CCDC6: variants seen among roughly 807,000 people sequenced by gnomAD.
The protein encoded by CCDC6 is coiled-coil domain containing 6.
CCDC6 carries 20 observed loss-of-function variants against 56.6 expected under a neutral mutation model. The observed-to-expected ratio is 0.35, with a 90% CI of 0.25 to 0.51. The LOEUF (loss-of-function observed/expected upper bound fraction) is 0.51. Ranked by LOEUF, CCDC6 falls within the 20% of genes least tolerant of loss-of-function variation. CCDC6 has a pLI of 0.95. For missense variants in CCDC6, 367 were observed against 601.1 expected (o/e 0.61, Z 4.07); for synonymous variants, 241 against 234.4 (o/e 1.03, Z -0.26).
At chr10:59,833,656 T>TGGGG (rs1359417979) in intron 2 of CCDC6, among the ~76,000 whole-genome samples, 6 of 94,180 alleles carry the variant, frequency 6.4e-5, no homozygotes, top group Admixed American at 1.2e-4. Flanking sequence ...GGGGGGGGGT[T>TGGGG]TGTTGATCCA....
rs571374703 is a variant in CCDC6 at position 59,902,168 on chromosome 10, A to G, written c.303+3954T>C. Reference sequence around the variant, plus strand: ...CAGATGATGTTTACCACTATTATACAGATACTGAGAACACAGGCCCATGAA... The same window carrying G: ...CAGATGATGTTTACCACTATTATACGGATACTGAGAACACAGGCCCATGAA... On this transcript the variant is annotated intron_variant, in intron 1 of 8. Transcript: ENST00000263102. Among the ~76,000 whole-genome samples the G allele has an allele frequency of 2.6e-4, 39 of 152,280 alleles. No homozygotes were observed. The South Asian group carries it at 6.8e-3, about 27-fold the overall frequency.
intron 1 of CCDC6, among the ~76,000 whole-genome samples, chr10:59,880,802 CTT>C (rs748236430): frequency 1.3e-5 from 2 of 152,172 alleles, no homozygotes; most frequent in Non-Finnish European, 2.9e-5. Context: ...GAGGATAACT[CTT>C]ATACTCACAG....
At chr10:59,876,967 T>C (rs568209174) in intron 1 of CCDC6, among the ~76,000 whole-genome samples, 35 of 152,222 alleles carry the variant, frequency 2.3e-4, no homozygotes, top group Non-Finnish European at 3.8e-4. Flanking sequence ...CTATGTGGTA[T>C]GGCCTATTGC....
Position 59,794,480 on chromosome 10 carries a change from C to G in CCDC6, c.1223G>C (p.Gly408Ala), listed in dbSNP as rs1176370905. The G allele has an allele frequency of 6.2e-7, 1 of 1,613,904 alleles. No homozygotes were observed. Among genetic ancestry groups the G allele is most frequent in the Non-Finnish European group, 8.5e-7 (1 of 1,179,912 alleles). Residue 408 changes from glycine to alanine, a missense_variant, in exon 8 of 9, where the codon GGT (glycine) becomes GCT (alanine). Coordinates refer to ENST00000263102, the MANE Select transcript of CCDC6 (RefSeq NM_005436.5). The stretch of plus-strand genomic sequence containing the variant: ...TACCCCACGGACACTTACTGTGATA[C>G]CATGGGATGTTCCCATGTGCTGCAC... The part of the protein sequence containing the change: ...LHVQHMGTSH[G>A]ITRPSPRRSN...
At position 59,792,178 on chromosome 10, in the gene CCDC6, G is replaced by T. The variant is rs558340369; in HGVS notation, c.*739C>A. The T allele has an allele frequency of 1.2e-5, 3 of 242,818 alleles. No individual in the cohort carries two copies. The East Asian group carries it at 1.8e-4, about 15-fold the overall frequency. 15.0% of individuals were successfully genotyped at this position (242,818 alleles called of 1,614,324 possible). A position where few individuals can be genotyped will look rare whatever the true frequency, so the allele number is the denominator to read the frequency against. ...AACATTTATCGACTCATGTTAGAGG[G>T]GGCCAGGTTAAGTAGATTAACATTA... is the stretch of plus-strand genomic sequence containing the variant. On this transcript the variant is annotated 3_prime_UTR_variant, in exon 9 of 9. Transcript: ENST00000263102.
intron 7 of CCDC6, among the ~76,000 whole-genome samples, chr10:59,799,512 T>C (rs975248384): frequency 1.3e-5 from 2 of 152,220 alleles, no homozygotes; most frequent in Non-Finnish European, 2.9e-5. Context: ...TCAGTGGTTC[T>C]CAACAGTGAA....
intron 1 of CCDC6, among the ~76,000 whole-genome samples, chr10:59,859,321 C>A (rs377535269): frequency 8.6e-5 from 13 of 151,548 alleles, no homozygotes; most frequent in African/African-American, 2.9e-4. Context: ...ATAGCAGAAA[C>A]AATCTATTTT....
chr10:59,820,690 G>T (rs2070743009), intron 3 of CCDC6, among the ~76,000 whole-genome samples: 1 of 152,042 alleles, frequency 6.6e-6, no homozygotes, highest in Non-Finnish European at 1.5e-5. Flanking sequence ...TGAGGCTGCA[G>T]TGAGCTATGA....
At chr10:59,802,942 C>G (rs1208037500) in intron 7 of CCDC6, among the ~76,000 whole-genome samples, 1 of 152,174 alleles carries the variant, frequency 6.6e-6, no homozygotes, top group African/African-American at 2.4e-5. Context: ...GCATCACCAT[C>G]ACAAAATAAT....
intron 2 of CCDC6, among the ~76,000 whole-genome samples, chr10:59,840,228 G>GAGAAACC (rs1441597433): frequency 1.1e-4 from 17 of 152,306 alleles, no homozygotes; most frequent in African/African-American, 3.8e-4. Context: ...AAACCACTGG[G>GAGAAACC]TCATAGAGAA....
intron 6 of CCDC6, among the ~76,000 whole-genome samples, chr10:59,805,933 T>C (rs1019529903): frequency 4.6e-5 from 7 of 152,182 alleles, no homozygotes; most frequent in African/African-American, 1.4e-4. Context: ...TGTGCTAACA[T>C]TGCCTACATG....
At chr10:59,875,340 T>C (rs2071269521) in intron 1 of CCDC6, among the ~76,000 whole-genome samples, 1 of 152,222 alleles carries the variant, frequency 6.6e-6, no homozygotes, top group Admixed American at 6.5e-5. Context: ...GGTAGAGATC[T>C]GCTCATCTAG....
intron 1 of CCDC6, among the ~76,000 whole-genome samples, chr10:59,862,562 T>C (rs12266461): frequency 0.019 from 1,915 of 101,372 alleles, 105 homozygotes; most frequent in African/African-American, 0.047. Flanking sequence ...CACACATATA[T>C]ATACACATAC....
intron 7 of CCDC6, among the ~76,000 whole-genome samples, chr10:59,796,970 CAA>C (rs56723229): frequency 0.42 from 50,177 of 119,736 alleles, 8,551 homozygotes; most frequent in Middle Eastern, 0.46. Context: ...GATTCCATCT[CAA>C]AAAAAAAAAA....
intron 5 of CCDC6, among the ~76,000 whole-genome samples, chr10:59,810,015 C>T (rs1003560077): frequency 3.9e-5 from 6 of 152,170 alleles, no homozygotes; most frequent in African/African-American, 7.2e-5. Flanking sequence ...AATACCAGTG[C>T]CCAGACTATA....
At chr10:59,819,413 A>G (rs2070734441) in intron 3 of CCDC6, among the ~76,000 whole-genome samples, 2 of 152,208 alleles carry the variant, frequency 1.3e-5, no homozygotes, top group Non-Finnish European at 2.9e-5. Context: ...TAAAGAGCAG[A>G]GAAGTTAGAG....
At chr10:59,833,285 C>T (rs2070848849) in intron 2 of CCDC6, among the ~76,000 whole-genome samples, 1 of 152,024 alleles carries the variant, frequency 6.6e-6, no homozygotes, top group Admixed American at 6.6e-5. Flanking sequence ...TCTGTCTTTA[C>T]TAAAAATATG....
At position 59,789,667 on chromosome 10, in the gene CCDC6, C is replaced by T. The variant is rs1020400133; in HGVS notation, c.*3250G>A. Reference sequence around the variant, plus strand: ...GTGTTGGTTACCTATAAGACAAGTACTAGACAGAAGATCAAGTTACACAGA... The same window carrying T: ...GTGTTGGTTACCTATAAGACAAGTATTAGACAGAAGATCAAGTTACACAGA... On this transcript the variant is annotated 3_prime_UTR_variant, in exon 9 of 9. Coordinates refer to ENST00000263102, the MANE Select transcript of CCDC6 (RefSeq NM_005436.5). 1 of 223,400 alleles carries T rather than the reference C, an allele frequency of 4.5e-6. No homozygotes were observed. The highest frequency in any genetic ancestry group is 2.2e-5 in the African/African-American group (1 of 44,790). 13.8% of individuals were successfully genotyped at this position (223,400 alleles called of 1,614,324 possible). A position where few individuals can be genotyped will look rare whatever the true frequency, so the allele number is the denominator to read the frequency against.
intron 3 of CCDC6, among the ~76,000 whole-genome samples, chr10:59,817,097 G>A (rs2070715776): frequency 6.6e-6 from 1 of 152,178 alleles, no homozygotes; most frequent in Non-Finnish European, 1.5e-5. Context: ...GAAATTGTGG[G>A]ACCCTTATAT....
Sources: allele counts gnomAD v4.1 joint callset (sites outside exome capture counted in the v4.1 genomes callset), GRCh38; gene constraint gnomAD v4.1.1; transcripts MANE v1.5; gene names NCBI Gene and HGNC (gene_info 2026-07-23, HGNC 2026-07-21).